Variants in HABP4 observed in about 807,000 individuals in gnomAD.
HABP4 encodes intracellular hyaluronan-binding protein 4.
HABP4 carries 32 observed loss-of-function variants against 44.1 expected under a neutral mutation model. That is an observed-to-expected ratio of 0.73 (90% CI 0.55 to 0.97). The LOEUF is 0.97. HABP4 is among the 50% of genes least tolerant of loss of function. The pLI, the probability that HABP4 is intolerant of heterozygous loss-of-function variation, is 0.00. For synonymous variants in HABP4, 216 were observed against 218.0 expected (o/e 0.99, Z 0.08); for missense variants, 503 against 561.9 (o/e 0.90, Z 1.06).
chr9:96,480,490 T>C (rs570155089), intron 5 of HABP4, among the ~76,000 whole-genome samples: 2 of 152,344 alleles, frequency 1.3e-5, no homozygotes, highest in South Asian at 2.1e-4. Context: ...CAGCATTTTA[T>C]TGTGAAAATT....
intron 2 of HABP4, among the ~76,000 whole-genome samples, chr9:96,461,522 A>G (rs1488110767): frequency 6.6e-6 from 1 of 152,144 alleles, no homozygotes; most frequent in African/African-American, 2.4e-5. Context: ...TGTGCACCAC[A>G]TGATATAGCA....
chr9:96,489,344 C>T (rs1186931365), intron 7 of HABP4, among the ~76,000 whole-genome samples: 1 of 152,184 alleles, frequency 6.6e-6, no homozygotes, highest in Non-Finnish European at 1.5e-5. Flanking sequence ...TGCCACCCAC[C>T]TCTTCACTGG....
At position 96,489,965 on chromosome 9, in the gene HABP4, T is replaced by G; in HGVS notation, c.1186-17T>G. On this transcript the variant is annotated splice_polypyrimidine_tract_variant and intron_variant, in intron 7 of 7. Transcript: ENST00000375249. ...TGAAGGGGCAGTGGATTTCAAAGTA[T>G]TTCTTTTTTTCTTTAGATGCAAGAT... 2 of 1,510,370 alleles carry G rather than the reference T, an allele frequency of 1.3e-6. No homozygotes were observed. Among genetic ancestry groups the G allele is most frequent in the Non-Finnish European group, 1.8e-6 (2 of 1,085,202 alleles). The allele number at this position is 1,510,370 out of a possible 1,614,324, so 93.6% of individuals were successfully genotyped here.
At position 96,450,460 on chromosome 9, in the gene HABP4, G is replaced by A; in HGVS notation, c.181G>A (p.Ala61Thr). The A allele has an allele frequency of 1.7e-6, 2 of 1,204,560 alleles. No individual in the cohort carries two copies. Among genetic ancestry groups the A allele is most frequent in the Non-Finnish European group, 2.1e-6 (2 of 960,738 alleles). The allele number at this position is 1,204,560 out of a possible 1,614,324, so 74.6% of individuals were successfully genotyped here. A position where few individuals can be genotyped will look rare whatever the true frequency, so the allele number is the denominator to read the frequency against. The change falls in exon 1 of 8, where the codon GCG (alanine) becomes ACG (threonine). Residue 61 changes from alanine to threonine, a missense_variant. Coordinates refer to ENST00000375249, the MANE Select transcript of HABP4 (RefSeq NM_014282.4). This position sits in a 1 kb window ranked among gnomAD's most constrained non-coding sequence, Gnocchi z 4.8. ...QQLQRKRRDEAAAAAGAGPRG... is the reference protein window; with the variant it reads ...QQLQRKRRDETAAAAGAGPRG... ...GCTGCAGCGCAAGAGGCGCGACGAGGCGGCGGCGGCGGCCGGGGCCGGTCC... is the reference window on the plus strand; with the variant it reads ...GCTGCAGCGCAAGAGGCGCGACGAGACGGCGGCGGCGGCCGGGGCCGGTCC...
intron 1 of HABP4, among the ~76,000 whole-genome samples, chr9:96,454,309 G>A (rs1832335940): frequency 6.6e-6 from 1 of 152,194 alleles, no homozygotes; most frequent in Non-Finnish European, 1.5e-5. Context: ...TAAAAGTATG[G>A]AAAAGTATTG....
chr9:96,451,434 C>A (rs888158790), intron 1 of HABP4: 1 of 981,780 alleles, frequency 1.0e-6, no homozygotes. Flanking sequence ...GCAGAGCCAG[C>A]AACACTCCAC....
chr9:96,474,199 A>C (rs1425070210), intron 5 of HABP4, among the ~76,000 whole-genome samples: 1 of 152,168 alleles, frequency 6.6e-6, no homozygotes, highest in African/African-American at 2.4e-5. Flanking sequence ...CAAAACAAGA[A>C]ATGTGTTTCA....
At chr9:96,458,853 C>G (rs1277951827) in intron 2 of HABP4, among the ~76,000 whole-genome samples, 1 of 152,078 alleles carries the variant, frequency 6.6e-6, no homozygotes, top group Non-Finnish European at 1.5e-5. Flanking sequence ...AACTCCCAAC[C>G]TCAGGTGATC....
intron 4 of HABP4, among the ~76,000 whole-genome samples, chr9:96,470,144 C>T (rs1832669448): frequency 1.3e-5 from 2 of 152,108 alleles, no homozygotes; most frequent in African/African-American, 4.8e-5. Flanking sequence ...CCCATCTCTA[C>T]AAAAAATACA....
chr9:96,464,890 T>A (rs1832572029), intron 2 of HABP4, among the ~76,000 whole-genome samples: 1 of 152,168 alleles, frequency 6.6e-6, no homozygotes, highest in African/African-American at 2.4e-5. Flanking sequence ...CACAAAACAT[T>A]CCAAATTTAA....
rs778646427 is a variant in HABP4 at position 96,450,276 on chromosome 9, C to A, written c.-4C>A. 6 of 1,436,156 alleles carry A rather than the reference C, an allele frequency of 4.2e-6. No homozygotes were observed. Among genetic ancestry groups the A allele is most frequent in the South Asian group, 2.7e-5 (2 of 74,970 alleles). The allele number at this position is 1,436,156 out of a possible 1,614,324, so 89.0% of individuals were successfully genotyped here. ...CCTCCCGGGCCCGCAGTGGTCGCGGCGGCATGAAGGGCGCTCTGGGGAGTC... is the reference window on the plus strand; with the variant it reads ...CCTCCCGGGCCCGCAGTGGTCGCGGAGGCATGAAGGGCGCTCTGGGGAGTC... On this transcript the variant is annotated 5_prime_UTR_variant, in exon 1 of 8. Transcript: ENST00000375249. This position sits in a 1 kb window ranked among gnomAD's most constrained non-coding sequence, Gnocchi z 4.8.
intron 2 of HABP4, among the ~76,000 whole-genome samples, chr9:96,459,463 G>A (rs377419847): frequency 3.2e-4 from 48 of 152,246 alleles, no homozygotes; most frequent in African/African-American, 1.2e-3. Context: ...ACCTCAACAC[G>A]GGGAGGGGTT....
chr9:96,467,527 CTTTT>C (rs566272718), intron 4 of HABP4, among the ~76,000 whole-genome samples: 1 of 118,136 alleles, frequency 8.5e-6, no homozygotes, highest in Non-Finnish European at 1.8e-5. Context: ...TCTTTTTTTC[CTTTT>C]TTTTTTTTTT....
At chr9:96,463,893 A>T (rs1041053755) in intron 2 of HABP4, among the ~76,000 whole-genome samples, 11 of 152,168 alleles carry the variant, frequency 7.2e-5, no homozygotes, top group South Asian at 2.1e-4. Flanking sequence ...TGATGCCAGG[A>T]CCTCCATTAA....
Position 96,484,500 on chromosome 9 carries a change from A to T in HABP4, c.866A>T (p.Gln289Leu). 2 of 1,575,780 alleles carry T rather than the reference A, an allele frequency of 1.3e-6. No homozygotes were observed. The highest frequency in any genetic ancestry group is 1.7e-6 in the Non-Finnish European group (2 of 1,145,804). The change falls in exon 6 of 8, where the codon CAA becomes CTA. Residue 289 changes from glutamine (Q) to leucine (L), a missense_variant. Coordinates refer to ENST00000375249, the MANE Select transcript of HABP4 (RefSeq NM_014282.4). ...ELEVEEETQVQEMTLDEWKNL... is the reference protein window; with the variant it reads ...ELEVEEETQVLEMTLDEWKNL... ...GAGGTAGAAGAAGAAACCCAAGTTC[A>T]AGAGATGACTTTAGATGAGTGGAAA...
intron 5 of HABP4, among the ~76,000 whole-genome samples, chr9:96,477,545 A>T (rs1057459087): frequency 5.9e-5 from 9 of 151,986 alleles, no homozygotes; most frequent in African/African-American, 2.2e-4. Flanking sequence ...ACTCCATTAA[A>T]TTTTTTTTAA....
intron 4 of HABP4, among the ~76,000 whole-genome samples, chr9:96,467,830 C>T (rs1307139817): frequency 6.6e-6 from 1 of 152,066 alleles, no homozygotes; most frequent in Non-Finnish European, 1.5e-5. Flanking sequence ...CCAGCTTGGG[C>T]ACCTTCTTTC....
chr9:96,487,967 A>G, intron 6 of HABP4, 122 bp from the exon 7 acceptor site: 1 of 708,772 alleles, frequency 1.4e-6, no homozygotes, highest in Non-Finnish European at 2.5e-6. Flanking sequence ...AATCCAGAGA[A>G]TGGCTCTGAC....
At chr9:96,451,327 T>C in intron 1 of HABP4, 1 of 182,004 alleles carries the variant, frequency 5.5e-6, no homozygotes, top group Admixed American at 6.5e-5. Context: ...CCCCACTCCC[T>C]ATTTAGCAAG....
Sources: gnomAD v4.1 joint callset for allele counts (sites outside exome capture counted in the v4.1 genomes callset) on GRCh38, gnomAD v4.1.1 for gene constraint, Gnocchi (gnomAD v3.1) non-coding constraint, MANE v1.5 for transcripts, NCBI Gene and HGNC (gene_info 2026-07-23, HGNC 2026-07-21) for gene names.